SPARCL1: variants seen among roughly 807,000 people sequenced by gnomAD.
SPARCL1 encodes SPARC-like protein 1.
A neutral mutation model predicts 67.1 loss-of-function variants in SPARCL1; 52 were observed. The ratio of observed to expected loss-of-function variants is 0.78; its 90% CI spans 0.62 to 0.98. SPARCL1 has a LOEUF of 0.98. SPARCL1 is among the 50% of genes least tolerant of loss of function. SPARCL1 has a pLI of 0.00. For missense variants in SPARCL1, 717 were observed against 782.4 expected (o/e 0.92, Z 1.00); for synonymous variants, 226 against 267.8 (o/e 0.84, Z 1.52).
intron 10 of SPARCL1, among the ~76,000 whole-genome samples, chr4:87,476,709 G>A (rs990284770): frequency 3.3e-5 from 5 of 152,124 alleles, no homozygotes. Flanking sequence ...CCTGTTACCT[G>A]AACCCCATTT....
intron 10 of SPARCL1, among the ~76,000 whole-genome samples, chr4:87,475,022 G>A (rs868123416): frequency 6.6e-6 from 1 of 152,298 alleles, no homozygotes; most frequent in African/African-American, 2.4e-5. Context: ...GATTACAGGC[G>A]TGAGCCACCG....
intron 1 of SPARCL1, among the ~76,000 whole-genome samples, chr4:87,512,057 A>T (rs1331470692): frequency 2.8e-5 from 4 of 143,764 alleles, no homozygotes; most frequent in African/African-American, 5.2e-5. Context: ...CTCCACCTCC[A>T]GGGTTCAAGC....
At chr4:87,528,306 TTATAA>T (rs1338084238) in intron 1 of SPARCL1, 1 of 152,186 alleles carries the variant, frequency 6.6e-6, no homozygotes, top group Admixed American at 6.5e-5. Flanking sequence ...TGGTAGTACA[TTATAA>T]TATGAGTTAC....
chr4:87,501,191 G>A lies in SPARCL1; in HGVS notation c.-11-1606C>T, dbSNP rs116462609. Among the ~76,000 whole-genome samples, 760 of 152,262 alleles carry A rather than the reference G, an allele frequency of 5.0e-3. 2 individuals are homozygous for A. The highest frequency in any genetic ancestry group is 8.8e-3 in the Non-Finnish European group (599 of 68,002). On this transcript the variant is annotated intron_variant, in intron 1 of 10. Transcript: ENST00000282470. Reference sequence around the variant, plus strand: ...TGGAAGTGGCACTCCCAGAGCCTCGGAGTTCTTGCTTCCTTTGGACTGGTG... The same window carrying A: ...TGGAAGTGGCACTCCCAGAGCCTCGAAGTTCTTGCTTCCTTTGGACTGGTG...
intron 2 of SPARCL1, among the ~76,000 whole-genome samples, chr4:87,497,554 T>A (rs1724671938): frequency 6.6e-6 from 1 of 152,212 alleles, no homozygotes; most frequent in Non-Finnish European, 1.5e-5. Context: ...CTATTTGGAA[T>A]CTCCCAACTA....
Position 87,491,204 on chromosome 4 carries a change from C to T in SPARCL1, c.1292-326G>A, listed in dbSNP as rs552551039. 4.9e-4 allele frequency among the ~76,000 whole-genome samples: 75 copies of T among 152,242 alleles called. 1 individual carries two copies. The South Asian group carries it at 0.011, about 23-fold the overall frequency. On this transcript the variant is annotated intron_variant, in intron 5 of 10. Coordinates refer to ENST00000282470, the MANE Select transcript of SPARCL1 (RefSeq NM_004684.6). ...TCATAGTCTGAAGTCCTTAGTGCAA[C>T]GTTGTGCAAGCTGGTCAGAAGTGAA...
intron 1 of SPARCL1, among the ~76,000 whole-genome samples, chr4:87,516,018 T>C (rs1273934422): frequency 6.6e-6 from 1 of 152,202 alleles, no homozygotes; most frequent in Non-Finnish European, 1.5e-5. Flanking sequence ...TTGATTGAGA[T>C]AGAAATGATG....
intron 10 of SPARCL1, among the ~76,000 whole-genome samples, chr4:87,476,274 A>G (rs572535054): frequency 6.6e-6 from 1 of 152,260 alleles, no homozygotes; most frequent in South Asian, 2.1e-4. Flanking sequence ...CGGCTCCCAC[A>G]TATTTCCTAT....
intron 4 of SPARCL1, among the ~76,000 whole-genome samples, chr4:87,492,291 G>C (rs769826548): frequency 6.6e-6 from 1 of 151,914 alleles, no homozygotes; most frequent in Non-Finnish European, 1.5e-5. Context: ...GGTGGCAGGC[G>C]CCTATAGTCC....
intron 7 of SPARCL1, among the ~76,000 whole-genome samples, chr4:87,487,650 G>C (rs1226685391): frequency 6.6e-6 from 1 of 152,156 alleles, no homozygotes; most frequent in Non-Finnish European, 1.5e-5. Flanking sequence ...GTCTTGCTAG[G>C]TTGAGGAAGT....
chr4:87,524,655 T>C (rs1481345239), intron 1 of SPARCL1, among the ~76,000 whole-genome samples: 2 of 152,182 alleles, frequency 1.3e-5, no homozygotes, highest in Non-Finnish European at 2.9e-5. Flanking sequence ...AGTCAGTTAG[T>C]GAGATGGATT....
Position 87,494,032 on chromosome 4 carries a change from C to T in SPARCL1, c.768G>A (p.Met256Ile), listed in dbSNP as rs1724490956. The change falls in exon 4 of 11, where the codon ATG becomes ATA. Residue 256 changes from methionine to isoleucine, a missense_variant. Transcript: ENST00000282470. ...TACCCTGATCAAATTCATCCTCCTG[C>T]ATCTTGCTTACTTGAGTTGGTTGAT... ...ESDQPTQVSK[M>I]QEDEFDQGNQ... 1 of 1,613,960 alleles carries T rather than the reference C, an allele frequency of 6.2e-7. No homozygotes were observed. The highest frequency in any genetic ancestry group is 8.5e-7 in the Non-Finnish European group (1 of 1,180,030).
intron 7 of SPARCL1, among the ~76,000 whole-genome samples, chr4:87,482,848 G>A (rs1378796407): frequency 6.6e-6 from 1 of 152,198 alleles, no homozygotes; most frequent in Non-Finnish European, 1.5e-5. Context: ...TGGATGTGCA[G>A]CTAGGCCCCA....
Position 87,473,706 on chromosome 4 carries a change from C to G in SPARCL1, c.*69G>C. 9.2e-7 allele frequency: 1 copy of G among 1,085,572 alleles called. No individual in the cohort carries two copies. Among genetic ancestry groups the G allele is most frequent in the Non-Finnish European group, 1.4e-6 (1 of 738,204 alleles). 67.2% of individuals were successfully genotyped at this position (1,085,572 alleles called of 1,614,324 possible). ...AAATATAAATCTACAAGTATCACAGCTGCATATATTTCTGAAGTGGTTAGA... is the reference window on the plus strand; with the variant it reads ...AAATATAAATCTACAAGTATCACAGGTGCATATATTTCTGAAGTGGTTAGA... On this transcript the variant is annotated 3_prime_UTR_variant, in exon 11 of 11. Transcript: ENST00000282470.
chr4:87,513,177 A>G (rs1725444076), intron 1 of SPARCL1, among the ~76,000 whole-genome samples: 1 of 152,196 alleles, frequency 6.6e-6, no homozygotes, highest in African/African-American at 2.4e-5. Flanking sequence ...CCTTGTATTT[A>G]TTTAGCATTT....
At chr4:87,508,954 C>T (rs1356773971) in intron 1 of SPARCL1, among the ~76,000 whole-genome samples, 1 of 146,382 alleles carries the variant, frequency 6.8e-6, no homozygotes, top group Non-Finnish European at 1.5e-5. Flanking sequence ...GAGATAGTGT[C>T]AGATCCCACA....
At chr4:87,506,778 CT>C (rs1725095125) in intron 1 of SPARCL1, among the ~76,000 whole-genome samples, 1 of 46,940 alleles carries the variant, frequency 2.1e-5, no homozygotes, top group Non-Finnish European at 3.6e-5. Flanking sequence ...CTCTATCTAT[CT>C]ATCATCTATC....
intron 1 of SPARCL1, chr4:87,528,037 G>C (rs1467139877): frequency 4.6e-5 from 7 of 152,160 alleles, no homozygotes; most frequent in African/African-American, 1.7e-4. Context: ...CCCTGGGCCA[G>C]AGGAGAGCTC....
chr4:87,488,920 A>G (rs1466355373), intron 7 of SPARCL1, among the ~76,000 whole-genome samples: 1 of 139,532 alleles, frequency 7.2e-6, no homozygotes, highest in Non-Finnish European at 1.5e-5. Context: ...AGCCTCAGTA[A>G]TGGTGGATGC....
Sources: allele counts gnomAD v4.1 joint callset (sites outside exome capture counted in the v4.1 genomes callset), GRCh38; gene constraint gnomAD v4.1.1; transcripts MANE v1.5; gene names NCBI Gene and HGNC (gene_info 2026-07-23, HGNC 2026-07-21).